The following NECAB1 variants were observed in gnomAD, a reference collection of about 807,000 sequenced individuals.
NECAB1 encodes N-terminal EF-hand calcium-binding protein 1.
A neutral mutation model predicts 57.5 loss-of-function variants in NECAB1; 29 were observed. That is an observed-to-expected ratio of 0.50 (90% CI 0.38 to 0.69). The LOEUF (loss-of-function observed/expected upper bound fraction) is 0.69, where lower values mean the gene tolerates loss of function less well. Ranked by LOEUF, NECAB1 falls within the 30% of genes least tolerant of loss-of-function variation. The pLI is 0.00. For missense variants in NECAB1, 372 were observed against 413.8 expected, an observed-to-expected ratio of 0.90 and a Z score of 0.88; for synonymous variants, 142 against 147.7, an observed-to-expected ratio of 0.96 and a Z score of 0.28.
At chr8:90,940,961 C>G in intron 10 of NECAB1, 63 bp downstream of exon 10, 1 of 1,235,258 alleles carries the variant, frequency 8.1e-7, no homozygotes, top group Non-Finnish European at 1.2e-6. Context: ...GAAGGCATTT[C>G]TTACTTTAGA....
chr8:90,872,044 A>G, intron 3 of NECAB1, 84 bp from the exon 4 acceptor site: 1 of 1,033,562 alleles, frequency 9.7e-7, no homozygotes, highest in Non-Finnish European at 1.4e-6. Context: ...TAGCTTGGAG[A>G]CTAACTGTAT....
intron 4 of NECAB1, among the ~76,000 whole-genome samples, chr8:90,879,028 A>ATATTTAT (rs980639040): frequency 1.4e-5 from 2 of 142,834 alleles, no homozygotes; most frequent in East Asian, 3.9e-4. Flanking sequence ...AATATATATT[A>ATATTTAT]TATTTATTAT....
intron 5 of NECAB1, among the ~76,000 whole-genome samples, chr8:90,889,503 C>T (rs1809098395): frequency 1.3e-5 from 2 of 152,162 alleles, no homozygotes; most frequent in African/African-American, 4.8e-5. Context: ...TCGTTATCTA[C>T]TGTGGAAGTT....
intron 5 of NECAB1, among the ~76,000 whole-genome samples, chr8:90,907,124 G>T (rs893659074): frequency 5.6e-5 from 6 of 107,080 alleles, no homozygotes; most frequent in African/African-American, 2.7e-4. Context: ...ACCCAATTTT[G>T]TGTGTGTGTG....
rs1554575432 is a variant in NECAB1, at chr8:90,917,870, A to ATATATG, written c.494+243_494+244insATATGT. On this transcript the variant is annotated intron_variant, in intron 6 of 12. Coordinates refer to ENST00000417640, the MANE Select transcript of NECAB1 (RefSeq NM_022351.5). Reference sequence around the variant, plus strand: ...TATATATATATATATATATATATATATGTGTGTGTGTGCGTGTATATATAT... The same window carrying ATATATG: ...TATATATATATATATATATATATATATATATGTGTGTGTGTGTGCGTGTATATATAT... Among the ~76,000 whole-genome samples, 133 of 64,280 alleles carry ATATATG rather than the reference A, an allele frequency of 2.1e-3. 1 individual carries two copies. The highest frequency in any genetic ancestry group is 0.012 in the African/African-American group (111 of 9,566). The allele number at this position is 64,280 out of a possible 152,430, so 42.2% of individuals were successfully genotyped here.
intron 9 of NECAB1, among the ~76,000 whole-genome samples, chr8:90,938,992 G>T (rs1810605922): frequency 1.3e-5 from 2 of 152,144 alleles, no homozygotes; most frequent in Non-Finnish European, 2.9e-5. Context: ...GAGCTCAAGT[G>T]TGCTCTATGT....
intron 5 of NECAB1, among the ~76,000 whole-genome samples, chr8:90,910,995 T>C (rs574017928): frequency 2.6e-5 from 4 of 152,272 alleles, no homozygotes; most frequent in African/African-American, 9.6e-5. Context: ...TCATCTAGTT[T>C]TGTTGCATTC....
chr8:90,800,095 G>T (rs1016454939), intron 1 of NECAB1, among the ~76,000 whole-genome samples: 2 of 152,074 alleles, frequency 1.3e-5, no homozygotes, highest in African/African-American at 4.8e-5. Context: ...TTCTTGATTT[G>T]TCTCTCAGAT....
At chr8:90,951,058 C>A in intron 11 of NECAB1, 55 bp from the exon 12 acceptor site, 1 of 1,112,852 alleles carries the variant, frequency 9.0e-7, no homozygotes, top group Non-Finnish European at 1.3e-6. Flanking sequence ...CTCTGCTGTA[C>A]TTGGGAAGAT....
intron 3 of NECAB1, among the ~76,000 whole-genome samples, chr8:90,849,003 A>G (rs1279308705): frequency 2.0e-5 from 3 of 152,120 alleles, no homozygotes; most frequent in Admixed American, 2.0e-4. Context: ...CTACCACAAG[A>G]ACAGCACACA....
chr8:90,949,998 G>A, intron 11 of NECAB1, 114 bp downstream of exon 11: 1 of 574,448 alleles, frequency 1.7e-6, no homozygotes, highest in Non-Finnish European at 3.0e-6. Flanking sequence ...CTTAAAACCT[G>A]TCCCATTTGC....
At chr8:90,842,175 A>G (rs1256643347) in intron 3 of NECAB1, among the ~76,000 whole-genome samples, 20 of 152,210 alleles carry the variant, frequency 1.3e-4, no homozygotes, top group Non-Finnish European at 1.5e-5. Flanking sequence ...TATCCTGCAC[A>G]TGTACCCTTA....
intron 3 of NECAB1, among the ~76,000 whole-genome samples, chr8:90,853,153 G>A (rs369876670): frequency 3.9e-5 from 6 of 152,364 alleles, no homozygotes; most frequent in South Asian, 4.1e-4. Flanking sequence ...TCCTGTAACC[G>A]CTCACCTGCA....
chr8:90,795,447 CCCTT>C (rs1242168537), intron 1 of NECAB1, among the ~76,000 whole-genome samples: 1 of 152,112 alleles, frequency 6.6e-6, no homozygotes, highest in East Asian at 1.9e-4. Context: ...TGCTTGTCTT[CCCTT>C]CCTTCCTTCG....
intron 5 of NECAB1, among the ~76,000 whole-genome samples, chr8:90,901,042 AT>A (rs574782888): frequency 1.3e-5 from 2 of 152,268 alleles, no homozygotes; most frequent in South Asian, 4.1e-4. Flanking sequence ...CAACATTAAT[AT>A]TTTTTAGTGC....
intron 3 of NECAB1, among the ~76,000 whole-genome samples, chr8:90,835,106 A>G (rs1812350742): frequency 6.6e-6 from 1 of 151,364 alleles, no homozygotes; most frequent in Admixed American, 6.6e-5. Flanking sequence ...TTACAATTTT[A>G]TATTTATTAG....
At chr8:90,908,626 C>T (rs1809753185) in intron 5 of NECAB1, among the ~76,000 whole-genome samples, 1 of 152,070 alleles carries the variant, frequency 6.6e-6, no homozygotes, top group African/African-American at 2.4e-5. Context: ...CTACACATAC[C>T]TTAACCTTTT....
chr8:90,947,297 A>AACTAAAAACAT (rs781114954), intron 10 of NECAB1, among the ~76,000 whole-genome samples: 2 of 37,000 alleles, frequency 5.4e-5, no homozygotes, highest in Non-Finnish European at 8.1e-5. Context: ...TTGGGCTAAC[A>AACTAAAAACAT]ACACATACAC....
intron 5 of NECAB1, among the ~76,000 whole-genome samples, chr8:90,892,514 T>C (rs1265181013): frequency 2.0e-5 from 3 of 152,232 alleles, no homozygotes; most frequent in Admixed American, 6.5e-5. Context: ...TATGTGATTA[T>C]TAACCCCCGC....
Sources: allele counts gnomAD v4.1 joint callset (sites outside exome capture counted in the v4.1 genomes callset), GRCh38; gene constraint gnomAD v4.1.1; transcripts MANE v1.5; gene names NCBI Gene and HGNC (gene_info 2026-07-23, HGNC 2026-07-21).